The following POC1B variants were observed in gnomAD, a reference collection of about 807,000 sequenced individuals.
POC1B encodes the protein POC1 centriolar protein homolog B.
In POC1B, 44 loss-of-function variants were observed where a neutral mutation model predicts 60.6. The ratio of observed to expected loss-of-function variants is 0.73; its 90% CI spans 0.57 to 0.93. The LOEUF is 0.93. Ranked by LOEUF, POC1B falls within the 40% of genes least tolerant of loss-of-function variation. The pLI, the probability that POC1B is intolerant of heterozygous loss-of-function variation, is 0.00. For missense variants in POC1B, 555 were observed against 572.3 expected (o/e 0.97, Z 0.31); for synonymous variants, 180 against 198.9 (o/e 0.90, Z 0.80).
chr12:89,498,955 T>C (rs74758064), intron 2 of POC1B, among the ~76,000 whole-genome samples: 2 of 152,072 alleles, frequency 1.3e-5, no homozygotes, highest in South Asian at 4.2e-4. Context: ...GGTGGGGTGA[T>C]TGGGTGGTCC....
At position 89,525,908 on chromosome 12, in the gene POC1B, C is replaced by A. The variant is rs758261470; in HGVS notation, c.-13G>T. On this transcript the variant is annotated 5_prime_UTR_variant, in exon 1 of 12. Coordinates refer to ENST00000313546, the MANE Select transcript of POC1B (RefSeq NM_172240.3). ...TGGCTGAGGCCATCGGGGGAGTGGTCGGCCCAAGGCTCCTGTGGGTGGGGG... is the reference window on the plus strand; with the variant it reads ...TGGCTGAGGCCATCGGGGGAGTGGTAGGCCCAAGGCTCCTGTGGGTGGGGG... The A allele has an allele frequency of 2.7e-6, 4 of 1,483,966 alleles. No individual in the cohort carries two copies. The African/African-American group carries it at 5.6e-5, about 21-fold the overall frequency. 91.9% of individuals were successfully genotyped at this position (1,483,966 alleles called of 1,614,324 possible). A position where few individuals can be genotyped will look rare whatever the true frequency, so the allele number is the denominator to read the frequency against.
chr12:89,502,493 A>G, intron 2 of POC1B: 1 of 1,097,886 alleles, frequency 9.1e-7, no homozygotes, highest in South Asian at 1.3e-5. Context: ...AAAAAAATCT[A>G]ATAAGAAAAG....
chr12:89,519,514 A>G (rs1185680970), intron 2 of POC1B: 1 of 152,592 alleles, frequency 6.6e-6, no homozygotes, highest in East Asian at 1.9e-4. Flanking sequence ...GGAAAAAAAC[A>G]TCATTCAGAA....
intron 10 of POC1B, among the ~76,000 whole-genome samples, chr12:89,441,758 G>C (rs1447125849): frequency 6.6e-6 from 1 of 152,230 alleles, no homozygotes; most frequent in Non-Finnish European, 1.5e-5. Flanking sequence ...AACAAAGCTG[G>C]ATGGAGAATG....
chr12:89,497,387 A>G, intron 2 of POC1B, 45 bp from the exon 3 acceptor site: 1 of 1,554,502 alleles, frequency 6.4e-7, no homozygotes, highest in South Asian at 1.1e-5. Flanking sequence ...TTAAAATGCA[A>G]ACATAGGTGT....
chr12:89,505,095 C>T (rs1321235208), intron 2 of POC1B, among the ~76,000 whole-genome samples: 1 of 152,160 alleles, frequency 6.6e-6, no homozygotes, highest in Non-Finnish European at 1.5e-5. Context: ...GTGCTCAATT[C>T]CATTAGTCAT....
At chr12:89,414,786 A>G (rs1880337838), downstream of POC1B, among the ~76,000 whole-genome samples, 1 of 152,128 alleles carries the variant, frequency 6.6e-6, no homozygotes, top group South Asian at 2.1e-4. Flanking sequence ...GCAGCCAACT[A>G]TTTCTACCCA....
chr12:89,472,075 A>G, intron 5 of POC1B, 93 bp downstream of exon 5: 3 of 925,706 alleles, frequency 3.2e-6, no homozygotes, highest in Admixed American at 4.6e-5. Context: ...GCCATATTTC[A>G]ATTTCTTTAC....
chr12:89,409,798 T>C, the POC1B span, among the ~76,000 whole-genome samples: 1 of 152,110 alleles, frequency 6.6e-6, no homozygotes, highest in Non-Finnish European at 1.5e-5. Flanking sequence ...AGTTCTGAAA[T>C]TGAGGCACTA....
At chr12:89,514,120 G>A (rs1291047672) in intron 2 of POC1B, among the ~76,000 whole-genome samples, 2 of 152,140 alleles carry the variant, frequency 1.3e-5, no homozygotes, top group African/African-American at 4.8e-5. Flanking sequence ...TGTTGGAGGA[G>A]GGGCCTGGAG....
At chr12:89,503,987 T>TG (rs1338237289) in intron 2 of POC1B, among the ~76,000 whole-genome samples, 1 of 133,992 alleles carries the variant, frequency 7.5e-6, no homozygotes, top group South Asian at 2.5e-4. Flanking sequence ...GGGAGGGAGG[T>TG]GGGGGGCGCC....
chr12:89,409,156 T>C, the POC1B span, among the ~76,000 whole-genome samples: 31 of 152,258 alleles, frequency 2.0e-4, no homozygotes, highest in Admixed American at 6.5e-5. Context: ...TTGACTTTTG[T>C]TGCAATTGCT....
intron 2 of POC1B, among the ~76,000 whole-genome samples, chr12:89,507,169 G>A (rs144073347): frequency 6.6e-6 from 1 of 150,972 alleles, no homozygotes; most frequent in Admixed American, 6.6e-5. Context: ...GCTACTCTGT[G>A]GGGGTGGGGG....
chr12:89,439,295 C>CT (rs958742215), intron 10 of POC1B, among the ~76,000 whole-genome samples: 4 of 151,990 alleles, frequency 2.6e-5, no homozygotes, highest in African/African-American at 7.3e-5. Flanking sequence ...GGGTCCCAGA[C>CT]TTTTTTTTAC....
intron 10 of POC1B, among the ~76,000 whole-genome samples, chr12:89,444,344 C>T (rs1165103424): frequency 6.6e-6 from 1 of 152,126 alleles, no homozygotes; most frequent in African/African-American, 2.4e-5. Flanking sequence ...AACAGCGATG[C>T]AAAAATCCTC....
Position 89,472,088 on chromosome 12 carries a change from A to T in POC1B, c.560+80T>A. 5 of 986,446 alleles carry T rather than the reference A, an allele frequency of 5.1e-6. 1 individual carries two copies. The highest frequency in any genetic ancestry group is 7.7e-6 in the Non-Finnish European group (5 of 649,788). The allele number at this position is 986,446 out of a possible 1,614,324, so 61.1% of individuals were successfully genotyped here. ...CGGCCATATTTCAATTTCTTTACTC[A>T]TTTATTTATTTAAATTGTTATAATC... On this transcript the variant is annotated intron_variant, in intron 5 of 11. Coordinates refer to ENST00000313546, the MANE Select transcript of POC1B (RefSeq NM_172240.3).
intron 10 of POC1B, among the ~76,000 whole-genome samples, chr12:89,456,006 TTTGTTGTTGTTGTTG>T (rs57046085): frequency 3.4e-5 from 5 of 148,204 alleles, no homozygotes; most frequent in African/African-American, 7.5e-5. Flanking sequence ...AAAACTCTTT[TTTGTTGTTGTTGTTG>T]TTGTTGTTGT....
intron 4 of POC1B, among the ~76,000 whole-genome samples, chr12:89,479,090 A>G (rs1030977928): frequency 6.6e-6 from 1 of 152,172 alleles, no homozygotes; most frequent in African/African-American, 2.4e-5. Flanking sequence ...AATACAGAAA[A>G]TTTTAAAAGT....
At chr12:89,444,232 A>G (rs4842655) in intron 10 of POC1B, among the ~76,000 whole-genome samples, 108,932 of 152,036 alleles carry the variant, frequency 0.72, 39,145 homozygotes, top group Middle Eastern at 0.82. Flanking sequence ...AGAAAATGAG[A>G]GAATCCTCCC....
Sources: allele counts gnomAD v4.1 joint callset (sites outside exome capture counted in the v4.1 genomes callset), GRCh38; gene constraint gnomAD v4.1.1; transcripts MANE v1.5; gene names NCBI Gene and HGNC (gene_info 2026-07-23, HGNC 2026-07-21).